The following CRPPA variants were observed in gnomAD, a reference collection of about 807,000 sequenced individuals.
CRPPA encodes CDP-L-ribitol pyrophosphorylase A, also known as D-ribitol-5-phosphate cytidylyltransferase.
CRPPA carries 43 observed loss-of-function variants against 52.0 expected under a neutral mutation model. That is an observed-to-expected ratio of 0.83 (90% CI 0.65 to 1.07). The LOEUF is 1.07. CRPPA is among the 50% of genes least tolerant of loss of function. The probability of loss-of-function intolerance (pLI) is 0.00; values close to 1 mark genes in which losing one functional copy is unlikely to be tolerated. For missense variants in CRPPA, 629 were observed against 551.7 expected (o/e 1.14, Z -1.40); for synonymous variants, 250 against 203.5 (o/e 1.23, Z -1.94).
At chr7:16,216,491 G>T (rs576174405) in intron 8 of CRPPA, 1 of 263,726 alleles carries the variant, frequency 3.8e-6, no homozygotes, top group East Asian at 1.1e-4. Context: ...CGTGAGCGAC[G>T]CAGAAGACGG....
At chr7:16,101,466 C>A (rs776590424) in intron 9 of CRPPA, among the ~76,000 whole-genome samples, 10 of 151,886 alleles carry the variant, frequency 6.6e-5, no homozygotes, top group Non-Finnish European at 1.5e-4. Flanking sequence ...TCTGATGGTA[C>A]TTTATATTTC....
At chr7:16,256,570 A>C (rs913336581) in intron 8 of CRPPA, among the ~76,000 whole-genome samples, 1 of 152,206 alleles carries the variant, frequency 6.6e-6, no homozygotes, top group Non-Finnish European at 1.5e-5. Flanking sequence ...ACACCATGGA[A>C]TACTATGCAG....
chr7:16,271,131 C>T lies in CRPPA; in HGVS notation c.933+6998G>A, dbSNP rs561361974. 4.6e-5 allele frequency among the ~76,000 whole-genome samples: 7 copies of T among 152,218 alleles called. No homozygotes were observed. The South Asian group carries it at 1.5e-3, about 32-fold the overall frequency. The stretch of plus-strand genomic sequence containing the variant: ...CAAAACAATAATTAAATTACGTCCT[C>T]CAGGAAACAGGAAGGAGTGGATAAC... On this transcript the variant is annotated intron_variant, in intron 6 of 9. Coordinates refer to ENST00000407010, the MANE Select transcript of CRPPA (RefSeq NM_001101426.4).
intron 1 of CRPPA, among the ~76,000 whole-genome samples, chr7:16,420,540 C>G (rs1051472383): frequency 6.6e-6 from 1 of 152,166 alleles, no homozygotes; most frequent in South Asian, 2.1e-4. Flanking sequence ...GCCCTTTCCA[C>G]CATTGAAAGG....
chr7:16,340,546 A>G (rs1430006210), intron 3 of CRPPA, among the ~76,000 whole-genome samples: 4 of 151,816 alleles, frequency 2.6e-5, no homozygotes, highest in Non-Finnish European at 4.4e-5. Context: ...AGTTCACATA[A>G]TACAAATGGC....
intron 9 of CRPPA, among the ~76,000 whole-genome samples, chr7:16,197,806 T>C (rs13245605): frequency 0.22 from 33,568 of 149,878 alleles, 4,502 homozygotes; most frequent in South Asian, 0.44. Context: ...TGTTATGTAC[T>C]AAGAAAAATT....
intron 3 of CRPPA, among the ~76,000 whole-genome samples, chr7:16,349,252 A>C (rs1268748006): frequency 6.6e-6 from 1 of 152,212 alleles, no homozygotes; most frequent in Non-Finnish European, 1.5e-5. Flanking sequence ...CACAAAAAAC[A>C]GACAGCAGTC....
chr7:16,323,240 G>T (rs1442660462), intron 3 of CRPPA, among the ~76,000 whole-genome samples: 3 of 152,178 alleles, frequency 2.0e-5, no homozygotes, highest in Non-Finnish European at 4.4e-5. Context: ...GGGATATTAT[G>T]CAGCATATTT....
At chr7:16,176,379 A>C (rs1781296596) in intron 9 of CRPPA, among the ~76,000 whole-genome samples, 1 of 152,128 alleles carries the variant, frequency 6.6e-6, no homozygotes, top group African/African-American at 2.4e-5. Context: ...AAAGCGATTC[A>C]CCAAAGTAGC....
chr7:16,218,963 C>T (rs1260279253), intron 8 of CRPPA, among the ~76,000 whole-genome samples: 1 of 152,208 alleles, frequency 6.6e-6, no homozygotes, highest in African/African-American at 2.4e-5. Flanking sequence ...CTATAGAACT[C>T]TCCACCCCAA....
chr7:16,114,585 C>A (rs1782330941), intron 9 of CRPPA, among the ~76,000 whole-genome samples: 1 of 151,876 alleles, frequency 6.6e-6, no homozygotes, highest in South Asian at 2.1e-4. Context: ...GAATAACCAG[C>A]AAGACTTCAA....
intron 3 of CRPPA, among the ~76,000 whole-genome samples, chr7:16,371,929 TCAA>T (rs1786759193): frequency 1.3e-5 from 2 of 152,136 alleles, no homozygotes; most frequent in Admixed American, 1.3e-4. Context: ...GTGGAAAGTT[TCAA>T]CAACAGACTA....
chr7:16,301,058 C>T (rs545505483), intron 5 of CRPPA, among the ~76,000 whole-genome samples: 22 of 152,164 alleles, frequency 1.4e-4, no homozygotes, highest in South Asian at 4.2e-4. Context: ...TCTAATGTAC[C>T]GACACGACAC....
At chr7:16,320,845 C>T (rs1785249428) in intron 3 of CRPPA, among the ~76,000 whole-genome samples, 1 of 152,086 alleles carries the variant, frequency 6.6e-6, no homozygotes, top group South Asian at 2.1e-4. Context: ...CAGCTTTGTT[C>T]TCATATCAGT....
At chr7:16,368,120 T>C (rs938424697) in intron 3 of CRPPA, among the ~76,000 whole-genome samples, 2 of 152,192 alleles carry the variant, frequency 1.3e-5, no homozygotes, top group African/African-American at 2.4e-5. Context: ...TCACAGGAAA[T>C]GAATTTTAAA....
chr7:16,159,343 G>C (rs6948977), intron 9 of CRPPA, among the ~76,000 whole-genome samples: 72,033 of 151,948 alleles, frequency 0.47, 17,716 homozygotes, highest in East Asian at 0.76. Context: ...ATTAAGGAAC[G>C]CTTGTTTGTT....
chr7:16,353,257 G>A (rs1786204714), intron 3 of CRPPA, among the ~76,000 whole-genome samples: 1 of 152,016 alleles, frequency 6.6e-6, no homozygotes, highest in Admixed American at 6.6e-5. Flanking sequence ...GGAGGCTGAG[G>A]TGAGAAAATT....
chr7:16,264,431 T>A (rs1783898512), intron 6 of CRPPA, among the ~76,000 whole-genome samples: 1 of 152,186 alleles, frequency 6.6e-6, no homozygotes, highest in African/African-American at 2.4e-5. Context: ...TAGGAAAGAT[T>A]TACCGTAAAC....
chr7:16,342,798 T>TA (rs1491461185), intron 3 of CRPPA, among the ~76,000 whole-genome samples: 3 of 101,254 alleles, frequency 3.0e-5, no homozygotes, highest in Non-Finnish European at 3.8e-5. Flanking sequence ...TATATATATA[T>TA]CTATATAGAT....
Sources: allele counts gnomAD v4.1 joint callset (sites outside exome capture counted in the v4.1 genomes callset), GRCh38; gene constraint gnomAD v4.1.1; transcripts MANE v1.5; gene names NCBI Gene and HGNC (gene_info 2026-07-23, HGNC 2026-07-21).